ANO4: variants seen among roughly 807,000 people sequenced by gnomAD.
ANO4 encodes anoctamin 4, also known as anoctamin-4.
ANO4 carries 69 observed loss-of-function variants against 141.9 expected under a neutral mutation model. That is an observed-to-expected ratio of 0.49 (90% confidence interval 0.40 to 0.59). The LOEUF is 0.59. Among genes scored for constraint, ANO4 ranks in the 20% least tolerant of loss-of-function variants. The pLI is 0.00. For missense variants in ANO4, 894 were observed against 1,162.2 expected (o/e 0.77, Z 3.36); for synonymous variants, 350 against 394.3 (o/e 0.89, Z 1.33).
intron 14 of ANO4, among the ~76,000 whole-genome samples, chr12:101,059,301 A>C (rs2048252265): frequency 6.6e-6 from 1 of 152,206 alleles, no homozygotes; most frequent in African/African-American, 2.4e-5. Flanking sequence ...GATGTTCATC[A>C]GTGATATTGG....
chr12:101,016,220 G>C (rs1401652810), intron 8 of ANO4, among the ~76,000 whole-genome samples: 1 of 152,122 alleles, frequency 6.6e-6, no homozygotes, highest in Non-Finnish European at 1.5e-5. Flanking sequence ...ATATAAACCT[G>C]TACAGGAAGC....
chr12:100,965,921 A>G (rs10778088), intron 5 of ANO4, among the ~76,000 whole-genome samples: 30,818 of 151,968 alleles, frequency 0.2, 3,215 homozygotes, highest in Middle Eastern at 0.33. Context: ...TGTAAATCCT[A>G]TCTACTGTGG....
chr12:101,075,386 T>C (rs924957639), intron 14 of ANO4, among the ~76,000 whole-genome samples: 1 of 152,094 alleles, frequency 6.6e-6, no homozygotes, highest in African/African-American at 2.4e-5. Context: ...TGGTTGGATC[T>C]GGATTTAGAG....
At chr12:100,996,978 G>A (rs1274137443) in intron 8 of ANO4, among the ~76,000 whole-genome samples, 1 of 152,134 alleles carries the variant, frequency 6.6e-6, no homozygotes, top group Non-Finnish European at 1.5e-5. Flanking sequence ...AATAATGATG[G>A]TCAGAGAGGC....
intron 2 of ANO4, among the ~76,000 whole-genome samples, chr12:100,915,240 A>G (rs2041284062): frequency 6.6e-6 from 1 of 152,202 alleles, no homozygotes; most frequent in Non-Finnish European, 1.5e-5. Context: ...GTGCCTCTTA[A>G]GTCCAAAAAT....
chr12:100,781,573 T>A (rs779182313), intron 3 of ANO4, among the ~76,000 whole-genome samples: 23 of 152,236 alleles, frequency 1.5e-4, no homozygotes, highest in Non-Finnish European at 3.1e-4. Flanking sequence ...TAGATTGGAT[T>A]TAATTAATCT....
At chr12:100,810,525 G>A (rs1177755832) in intron 1 of ANO4, among the ~76,000 whole-genome samples, 1 of 152,156 alleles carries the variant, frequency 6.6e-6, no homozygotes, top group Non-Finnish European at 1.5e-5. Flanking sequence ...AATAGAGGGA[G>A]TCAGGGTGTA....
At chr12:100,767,936 A>G (rs1474001918) in intron 3 of ANO4, among the ~76,000 whole-genome samples, 1 of 151,866 alleles carries the variant, frequency 6.6e-6, no homozygotes, top group Non-Finnish European at 1.5e-5. Context: ...CTGGAAGCTG[A>G]GTGGGGAGCT....
intron 9 of ANO4, among the ~76,000 whole-genome samples, chr12:101,036,054 A>C (rs966054767): frequency 1.3e-5 from 2 of 152,232 alleles, no homozygotes; most frequent in African/African-American, 4.8e-5. Flanking sequence ...GAAACTGAAT[A>C]GACATTTTTC....
At chr12:101,121,401 A>G (rs2051085277) in intron 26 of ANO4, among the ~76,000 whole-genome samples, 2 of 152,176 alleles carry the variant, frequency 1.3e-5, no homozygotes, top group Non-Finnish European at 2.9e-5. Context: ...TGTTGCTGCA[A>G]AGGACATGGT....
At chr12:100,977,144 T>TTACATGTAATAATTAA (rs971849214) in intron 7 of ANO4, among the ~76,000 whole-genome samples, 1 of 152,168 alleles carries the variant, frequency 6.6e-6, no homozygotes, top group Non-Finnish European at 1.5e-5. Context: ...TTAATACTTA[T>TTACATGTAATAATTAA]TACATGTAAT....
chr12:100,922,846 T>C (rs889069617), intron 3 of ANO4, among the ~76,000 whole-genome samples: 5 of 152,134 alleles, frequency 3.3e-5, no homozygotes, highest in African/African-American at 1.2e-4. Context: ...AGGTTTGCTC[T>C]TCTTCGAGTA....
intron 14 of ANO4, among the ~76,000 whole-genome samples, chr12:101,076,610 G>C (rs2049034714): frequency 6.6e-6 from 1 of 151,972 alleles, no homozygotes; most frequent in African/African-American, 2.4e-5. Flanking sequence ...AACCATAGAG[G>C]GTTGGTAGGG....
chr12:100,999,032 G>T (rs1390942264), intron 8 of ANO4, among the ~76,000 whole-genome samples: 18 of 152,184 alleles, frequency 1.2e-4, no homozygotes, highest in Admixed American at 1.2e-3. Context: ...GTAAGAGGTA[G>T]GGCCTGGATT....
At chr12:100,879,453 G>C (rs940496592) in intron 1 of ANO4, among the ~76,000 whole-genome samples, 4 of 152,132 alleles carry the variant, frequency 2.6e-5, no homozygotes, top group Non-Finnish European at 5.9e-5. Flanking sequence ...TTGTTTCTCT[G>C]TAAAATTGGG....
chr12:100,721,852 A>AT (rs377385548), intron 1 of ANO4, among the ~76,000 whole-genome samples: 9,782 of 133,502 alleles, frequency 0.073, 468 homozygotes, highest in Admixed American at 0.17. Flanking sequence ...CTAACTTTTA[A>AT]TTTTTTTTTT....
At chr12:101,085,079 T>G (rs2049430723) in intron 16 of ANO4, among the ~76,000 whole-genome samples, 1 of 152,230 alleles carries the variant, frequency 6.6e-6, no homozygotes, top group Admixed American at 6.5e-5. Flanking sequence ...GGACTTGTAC[T>G]TGAGCTTTTA....
At chr12:101,018,590 T>G (rs1028105168) in intron 8 of ANO4, among the ~76,000 whole-genome samples, 3 of 152,200 alleles carry the variant, frequency 2.0e-5, no homozygotes, top group African/African-American at 7.2e-5. Context: ...TTTCTCTTCC[T>G]CTCATTATTT....
chr12:101,053,423 A>G (rs1420590802), intron 14 of ANO4, among the ~76,000 whole-genome samples: 3 of 152,230 alleles, frequency 2.0e-5, no homozygotes, highest in African/African-American at 7.2e-5. Flanking sequence ...GCTTAAAACA[A>G]TAGTTTATTG....
Sources: allele counts gnomAD v4.1 joint callset (sites outside exome capture counted in the v4.1 genomes callset), GRCh38; gene constraint gnomAD v4.1.1; transcripts MANE v1.5; gene names NCBI Gene and HGNC (gene_info 2026-07-23, HGNC 2026-07-21).